The following RIN2 variants were observed in gnomAD, a reference collection of about 807,000 sequenced individuals.
The protein encoded by RIN2 is RAB5 interacting protein 2.
In RIN2, 36 loss-of-function variants were observed where a neutral mutation model predicts 78.0. The ratio of observed to expected loss-of-function variants is 0.46; its 90% CI spans 0.35 to 0.61. The LOEUF (loss-of-function observed/expected upper bound fraction) is 0.61. RIN2 is among the 20% of genes least tolerant of loss of function. The pLI, the probability that RIN2 is intolerant of heterozygous loss-of-function variation, is 0.00. For synonymous variants in RIN2, 466 were observed against 466.8 expected (o/e 1.00, Z 0.02); for missense variants, 1,087 against 1,159.7 (o/e 0.94, Z 0.91).
At chr20:19,944,811 G>A (rs1229234206) in intron 4 of RIN2, among the ~76,000 whole-genome samples, 1 of 152,118 alleles carries the variant, frequency 6.6e-6, no homozygotes, top group Non-Finnish European at 1.5e-5. Context: ...AAGCTGGCCT[G>A]TAGAAGCTTT....
intron 3 of RIN2, among the ~76,000 whole-genome samples, chr20:19,910,768 A>G (rs1272142032): frequency 6.6e-6 from 1 of 151,458 alleles, no homozygotes; most frequent in Non-Finnish European, 1.5e-5. Flanking sequence ...GAGTTTCTCC[A>G]TGTTGGCCAG....
chr20:19,867,033 C>T (rs1257818958), intron 2 of RIN2, among the ~76,000 whole-genome samples: 3 of 151,760 alleles, frequency 2.0e-5, no homozygotes, highest in Admixed American at 2.0e-4. Context: ...TAATGGAATG[C>T]ATTTTTACAT....
rs760893933 is a variant in RIN2 at position 19,974,823 on chromosome 20, C to T, written c.798C>T (p.Asn266=). Residue 266 remains asparagine, a synonymous_variant, in exon 9 of 13, where the codon AAC becomes AAT. Transcript: ENST00000255006. The stretch of plus-strand genomic sequence containing the variant: ...CAGAGCTGGAGTGCAGCCAGACCAA[C>T]GGGGCCCTGTGCTTTATTAATCCCC... ...TPSELECSQT[N]GALCFINPLF... is the part of the protein sequence containing the mutation. The T allele has an allele frequency of 3.7e-6, 6 of 1,613,858 alleles. No homozygotes were observed. The African/African-American group carries it at 8.0e-5, about 22-fold the overall frequency.
intron 3 of RIN2, chr20:19,895,774 GCTC>G (rs2038692307): frequency 6.6e-6 from 1 of 152,302 alleles, no homozygotes; most frequent in African/African-American, 2.4e-5. Context: ...TAACAGAAGA[GCTC>G]TCTGACACCA....
At chr20:19,864,706 GT>G (rs2037446623) in intron 2 of RIN2, among the ~76,000 whole-genome samples, 1 of 152,116 alleles carries the variant, frequency 6.6e-6, no homozygotes, top group Non-Finnish European at 1.5e-5. Context: ...CAAGAGATTG[GT>G]GTATATGTAA....
intron 1 of RIN2, among the ~76,000 whole-genome samples, chr20:19,792,165 T>C (rs911798870): frequency 2.0e-5 from 3 of 152,182 alleles, no homozygotes; most frequent in Non-Finnish European, 4.4e-5. Context: ...CAGAGGCAAA[T>C]TCTACCACAG....
At position 19,975,102 on chromosome 20, in the gene RIN2, C is replaced by T. The variant is rs1601009782; in HGVS notation, c.1077C>T (p.Pro359=). 1 of 1,613,486 alleles carries T rather than the reference C, an allele frequency of 6.2e-7. No individual in the cohort carries two copies. Among genetic ancestry groups the T allele is most frequent in the East Asian group, 2.2e-5 (1 of 44,866 alleles). ...PGTKPTPIPP[P]RLKKQASFLE... The stretch of plus-strand genomic sequence containing the variant: ...CGAAACCAACTCCCATCCCTCCACC[C>T]CGGCTGAAGAAGCAGGCTTCTTTTC... Residue 359 remains proline, a synonymous_variant, in exon 9 of 13, where the codon CCC becomes CCT. Transcript: ENST00000255006. The surrounding 1 kb of genome is among the most constrained non-coding windows in gnomAD (Gnocchi z 4.9).
At chr20:19,867,675 C>T (rs6106145) in intron 2 of RIN2, among the ~76,000 whole-genome samples, 1 of 152,212 alleles carries the variant, frequency 6.6e-6, no homozygotes, top group Non-Finnish European at 1.5e-5. Flanking sequence ...CGGTGGCCTC[C>T]TCAGTCCCAG....
chr20:19,798,009 G>T (rs1012469755), intron 1 of RIN2, among the ~76,000 whole-genome samples: 1 of 151,724 alleles, frequency 6.6e-6, no homozygotes, highest in Non-Finnish European at 1.5e-5. Flanking sequence ...CTGCCACCAC[G>T]CCCGGCTAAT....
At chr20:19,856,039 G>A (rs185263503) in intron 2 of RIN2, among the ~76,000 whole-genome samples, 34 of 152,000 alleles carry the variant, frequency 2.2e-4, no homozygotes, top group Admixed American at 5.9e-4. Flanking sequence ...GCACCATTGC[G>A]CTCCAGCCTG....
chr20:19,826,974 G>GTT (rs2036108280), intron 2 of RIN2, among the ~76,000 whole-genome samples: 1 of 100,982 alleles, frequency 9.9e-6, no homozygotes, highest in Non-Finnish European at 1.8e-5. Context: ...TTTGGTTTTG[G>GTT]GTTTTTTTTT....
At chr20:19,833,156 A>G (rs768378284) in intron 2 of RIN2, among the ~76,000 whole-genome samples, 1 of 152,168 alleles carries the variant, frequency 6.6e-6, no homozygotes. Flanking sequence ...CAACGTGGCA[A>G]GCCCTCCTCT....
intron 3 of RIN2, among the ~76,000 whole-genome samples, chr20:19,893,955 C>G (rs899720567): frequency 1.3e-5 from 2 of 152,050 alleles, no homozygotes; most frequent in African/African-American, 4.8e-5. Context: ...GCCTGTATTC[C>G]CAGCTACTCA....
At chr20:19,801,356 T>A (rs2035236006) in intron 2 of RIN2, among the ~76,000 whole-genome samples, 1 of 151,958 alleles carries the variant, frequency 6.6e-6, no homozygotes, top group African/African-American at 2.4e-5. Context: ...AGTCTTGCTC[T>A]GTCACCCAGG....
intron 1 of RIN2, among the ~76,000 whole-genome samples, chr20:19,768,455 C>T (rs2033981734): frequency 6.6e-6 from 1 of 152,216 alleles, no homozygotes; most frequent in Admixed American, 6.5e-5. Context: ...CAAGTGCTTC[C>T]AGCTCTCTCT....
intron 3 of RIN2, among the ~76,000 whole-genome samples, chr20:19,891,736 T>C (rs2038472807): frequency 8.7e-6 from 1 of 114,818 alleles, no homozygotes; most frequent in South Asian, 2.8e-4. Flanking sequence ...GGAGAATCGT[T>C]TGAACCTGGG....
At chr20:19,993,285 T>TC (rs397699025) in intron 11 of RIN2, among the ~76,000 whole-genome samples, 10 of 151,890 alleles carry the variant, frequency 6.6e-5, no homozygotes, top group South Asian at 4.2e-4. Flanking sequence ...TTTTTTTTTT[T>TC]CCCGTGAGTT....
chr20:19,857,419 A>G (rs920186336), intron 2 of RIN2, among the ~76,000 whole-genome samples: 9 of 152,182 alleles, frequency 5.9e-5, no homozygotes, highest in Non-Finnish European at 1.0e-4. Flanking sequence ...CTGGACTATA[A>G]TGAATAAAGC....
At chr20:19,955,257 A>G (rs1032606898) in intron 4 of RIN2, among the ~76,000 whole-genome samples, 1 of 152,178 alleles carries the variant, frequency 6.6e-6, no homozygotes, top group African/African-American at 2.4e-5. Context: ...CTTTCCAAGT[A>G]TATCCATGTT....
Sources: gnomAD v4.1 joint callset for allele counts (sites outside exome capture counted in the v4.1 genomes callset) on GRCh38, gnomAD v4.1.1 for gene constraint, Gnocchi (gnomAD v3.1) non-coding constraint, MANE v1.5 for transcripts, NCBI Gene and HGNC (gene_info 2026-07-23, HGNC 2026-07-21) for gene names.